The following CDH23 variants were observed in gnomAD, a reference collection of about 807,000 sequenced individuals.
CDH23 encodes the protein cadherin-23.
In CDH23, 189 loss-of-function variants were observed where a neutral mutation model predicts 317.1. The ratio of observed to expected loss-of-function variants is 0.60; its 90% CI spans 0.53 to 0.67. CDH23 has a LOEUF of 0.67. Ranked by LOEUF, CDH23 falls within the 30% of genes least tolerant of loss-of-function variation. The pLI, the probability that CDH23 is intolerant of heterozygous loss-of-function variation, is 0.00. For missense variants in CDH23, 4,401 were observed against 4,592.4 expected, an observed-to-expected ratio of 0.96 and a Z score of 1.20; for synonymous variants, 1,839 against 1,876.8, an observed-to-expected ratio of 0.98 and a Z score of 0.52.
At chr10:71,527,586 C>T (rs115877703) in intron 6 of CDH23, among the ~76,000 whole-genome samples, 69 of 152,282 alleles carry the variant, frequency 4.5e-4, no homozygotes, top group Middle Eastern at 3.4e-3. Context: ...CCTGTGAGAA[C>T]AGTGTCCACA....
At chr10:71,773,953 G>C (rs1840754526) in intron 38 of CDH23, among the ~76,000 whole-genome samples, 1 of 152,042 alleles carries the variant, frequency 6.6e-6, no homozygotes. Flanking sequence ...GAGTAAATGA[G>C]TGAATGAATG....
At chr10:71,532,218 A>G (rs545092100) in intron 6 of CDH23, among the ~76,000 whole-genome samples, 3 of 152,216 alleles carry the variant, frequency 2.0e-5, no homozygotes, top group Non-Finnish European at 4.4e-5. Context: ...GCCCTTGGGC[A>G]AGGAGCCTCT....
chr10:71,414,166 C>A (rs1042367046), intron 1 of CDH23, among the ~76,000 whole-genome samples: 1 of 151,032 alleles, frequency 6.6e-6, no homozygotes, highest in Non-Finnish European at 1.5e-5. Context: ...ATTTGCACAC[C>A]TTTTCTTTCT....
chr10:71,647,731 A>G (rs1748811660), intron 14 of CDH23: 1 of 152,216 alleles, frequency 6.6e-6, no homozygotes, highest in Admixed American at 6.5e-5. Context: ...CACTCCCCCT[A>G]GTGGACCCAG....
At chr10:71,588,579 G>A (rs749976134) in intron 9 of CDH23, among the ~76,000 whole-genome samples, 7 of 152,062 alleles carry the variant, frequency 4.6e-5, no homozygotes, top group African/African-American at 1.2e-4. Context: ...AACAATGCCT[G>A]GATTCCTCAG....
Position 71,751,015 on chromosome 10 carries a change from T to A in CDH23, c.4845+9094T>A. Reference sequence around the variant, plus strand: ...ATCTGTAGCTGGTGAATTTCAGGTCTCTAGGGGAGAATCTCAGCACCCCAA... The same window carrying A: ...ATCTGTAGCTGGTGAATTTCAGGTCACTAGGGGAGAATCTCAGCACCCCAA... On this transcript the variant is annotated intron_variant, in intron 38 of 69. Transcript: ENST00000224721. This position sits in a 1 kb window ranked among gnomAD's most constrained non-coding sequence, Gnocchi z 4.9. The A allele has an allele frequency of 2.0e-6, 1 of 502,576 alleles. No individual in the cohort carries two copies. The highest frequency in any genetic ancestry group is 3.3e-5 in the South Asian group (1 of 30,638). The allele number at this position is 502,576 out of a possible 1,614,324, so 31.1% of individuals were successfully genotyped here.
At chr10:71,667,359 A>AGT (rs67337082) in intron 14 of CDH23, among the ~76,000 whole-genome samples, 1,195 of 112,060 alleles carry the variant, frequency 0.011, 20 homozygotes, top group African/African-American at 0.034. Flanking sequence ...AGAGAGAGAG[A>AGT]GTGTGTGTGT....
chr10:71,442,846 G>A (rs1173492725), intron 2 of CDH23, among the ~76,000 whole-genome samples: 1 of 152,184 alleles, frequency 6.6e-6, no homozygotes, highest in Non-Finnish European at 1.5e-5. Context: ...GGGCCACGCT[G>A]CAGTCACCTC....
chr10:71,801,569 C>G (rs901456804), intron 53 of CDH23, among the ~76,000 whole-genome samples: 1 of 152,160 alleles, frequency 6.6e-6, no homozygotes, highest in African/African-American at 2.4e-5. Context: ...TCTCAATCCC[C>G]TTTTCTATGC....
intron 14 of CDH23, among the ~76,000 whole-genome samples, chr10:71,672,738 A>G (rs1864199539): frequency 6.6e-6 from 1 of 151,970 alleles, no homozygotes; most frequent in African/African-American, 2.4e-5. Context: ...GTCTCCTGGC[A>G]CTCATCACCT....
chr10:71,554,396 C>G lies in CDH23; in HGVS notation c.430-12346C>G, dbSNP rs796353871. On this transcript the variant is annotated intron_variant, in intron 6 of 69. Transcript: ENST00000224721. Reference sequence around the variant, plus strand: ...TTTTTTTTTGGTAGAGATGGTCTCACTATGTTGCCCAGGCTGGTCTCCAAC... The same window carrying G: ...TTTTTTTTTGGTAGAGATGGTCTCAGTATGTTGCCCAGGCTGGTCTCCAAC... Among the ~76,000 whole-genome samples the G allele has an allele frequency of 8.6e-5, 13 of 151,328 alleles. 1 individual carries two copies. Among genetic ancestry groups the G allele is most frequent in the African/African-American group, 2.9e-4 (12 of 41,178 alleles).
At chr10:71,802,859 C>T in intron 53 of CDH23, 39 bp from the exon 54 acceptor site, 1 of 1,611,872 alleles carries the variant, frequency 6.2e-7, no homozygotes, top group Non-Finnish European at 8.5e-7. Flanking sequence ...GCTGCCCCAT[C>T]CTGCTCCTTA....
chr10:71,722,944 A>G (rs1477653738), intron 28 of CDH23, among the ~76,000 whole-genome samples: 1 of 152,138 alleles, frequency 6.6e-6, no homozygotes, highest in African/African-American at 2.4e-5. Context: ...TGCTAGAAAG[A>G]CTGACTCAAT....
intron 36 of CDH23, among the ~76,000 whole-genome samples, chr10:71,740,370 C>T (rs1272944971): frequency 1.3e-5 from 2 of 152,210 alleles, no homozygotes. Flanking sequence ...CAGCTCATTG[C>T]TTATAATATT....
At chr10:71,465,988 A>C (rs1166570515) in intron 3 of CDH23, among the ~76,000 whole-genome samples, 1 of 152,132 alleles carries the variant, frequency 6.6e-6, no homozygotes, top group African/African-American at 2.4e-5. Flanking sequence ...CCTGTGCGTC[A>C]CCCCGGCCTG....
chr10:71,479,398 T>G (rs1247062228), intron 3 of CDH23, among the ~76,000 whole-genome samples: 1 of 151,810 alleles, frequency 6.6e-6, no homozygotes, highest in East Asian at 1.9e-4. Flanking sequence ...TGGGGGCGGG[T>G]GAACTGAATC....
intron 14 of CDH23, among the ~76,000 whole-genome samples, chr10:71,674,874 C>T (rs1864292577): frequency 6.6e-6 from 1 of 152,218 alleles, no homozygotes; most frequent in South Asian, 2.1e-4. Flanking sequence ...GGGATGGCCA[C>T]ACCTGGTGTG....
intron 38 of CDH23, among the ~76,000 whole-genome samples, chr10:71,768,350 T>C (rs1840605641): frequency 1.3e-5 from 2 of 152,160 alleles, no homozygotes; most frequent in South Asian, 2.1e-4. Flanking sequence ...TTTGTATTTT[T>C]AGTAGAGACG....
At chr10:71,611,789 A>T (rs1860913434) in intron 9 of CDH23, among the ~76,000 whole-genome samples, 1 of 152,022 alleles carries the variant, frequency 6.6e-6, no homozygotes, top group South Asian at 2.1e-4. Context: ...TTACACTTTC[A>T]ATTGTGTGGT....
Sources: gnomAD v4.1 joint callset for allele counts (sites outside exome capture counted in the v4.1 genomes callset) on GRCh38, gnomAD v4.1.1 for gene constraint, Gnocchi (gnomAD v3.1) non-coding constraint, MANE v1.5 for transcripts, NCBI Gene and HGNC (gene_info 2026-07-23, HGNC 2026-07-21) for gene names.